Variants in WDR64 observed in about 807,000 individuals in gnomAD.
WDR64 encodes the protein WD repeat domain 64.
Under a neutral mutation model 139.3 loss-of-function variants are expected in WDR64, and 112 were observed. The ratio of observed to expected loss-of-function variants is 0.80; its 90% CI spans 0.69 to 0.94. WDR64 has a LOEUF of 0.94. Ranked by LOEUF, WDR64 falls within the 40% of genes least tolerant of loss-of-function variation. The pLI is 0.00. For synonymous variants in WDR64, 444 were observed against 437.7 expected (o/e 1.01, Z -0.18); for missense variants, 1,206 against 1,293.1 (o/e 0.93, Z 1.03).
chr1:241,787,924 A>T lies in WDR64; in HGVS notation c.2781A>T (p.Arg927Ser). The change falls in exon 24 of 28, where the codon AGA becomes AGT. Residue 927 changes from arginine to serine, a missense_variant. Coordinates refer to ENST00000437684, the MANE Select transcript of WDR64 (RefSeq NM_001367482.1). ...QRRLFELSQT[R>S]DFILPCDVTE... ...GGCTCTTTGAATTATCACAGACAAG[A>T]GATTTCATTTTGCCTTGTGATGTTA... 6.2e-7 allele frequency: 1 copy of T among 1,613,190 alleles called. No individual in the cohort carries two copies. Among genetic ancestry groups the T allele is most frequent in the Non-Finnish European group, 8.5e-7 (1 of 1,179,656 alleles).
intron 16 of WDR64, among the ~76,000 whole-genome samples, chr1:241,768,189 T>C (rs866429691): frequency 6.6e-6 from 1 of 152,304 alleles, no homozygotes; most frequent in Middle Eastern, 3.4e-3. Context: ...CAACATCCAA[T>C]CAGAGGAAAA....
At chr1:241,773,003 G>C in intron 20 of WDR64, 72 bp downstream of exon 20, 1 of 1,455,458 alleles carries the variant, frequency 6.9e-7, no homozygotes, top group Non-Finnish European at 9.2e-7. Context: ...ATGAATCTTA[G>C]TGTTCTTCCA....
At chr1:241,668,837 T>C (rs1477941100) in intron 2 of WDR64, among the ~76,000 whole-genome samples, 2 of 151,458 alleles carry the variant, frequency 1.3e-5, no homozygotes, top group African/African-American at 4.9e-5. Flanking sequence ...GAGGCGGAGG[T>C]TGCAGTGAGT....
At chr1:241,706,762 T>A (rs1667968356) in intron 8 of WDR64, among the ~76,000 whole-genome samples, 1 of 152,218 alleles carries the variant, frequency 6.6e-6, no homozygotes, top group African/African-American at 2.4e-5. Flanking sequence ...TGCATTATTT[T>A]TTATTAAATT....
At chr1:241,701,991 A>T (rs920503994) in intron 8 of WDR64, among the ~76,000 whole-genome samples, 1 of 152,224 alleles carries the variant, frequency 6.6e-6, no homozygotes, top group African/African-American at 2.4e-5. Flanking sequence ...CCTCTCAAAA[A>T]AATTTCCATT....
chr1:241,732,797 G>A (rs1340577505), intron 10 of WDR64, among the ~76,000 whole-genome samples: 1 of 151,544 alleles, frequency 6.6e-6, no homozygotes, highest in Non-Finnish European at 1.5e-5. Flanking sequence ...TCCAGCCTGG[G>A]CAACAAGAGT....
chr1:241,713,305 T>C (rs1186217555), intron 9 of WDR64, among the ~76,000 whole-genome samples: 1 of 121,542 alleles, frequency 8.2e-6, no homozygotes, highest in African/African-American at 3.3e-5. Flanking sequence ...AGCAAGACCC[T>C]GTCTCAAAAA....
chr1:241,691,598 C>T (rs1667291516), intron 8 of WDR64, among the ~76,000 whole-genome samples: 1 of 120,698 alleles, frequency 8.3e-6, no homozygotes, highest in South Asian at 2.8e-4. Context: ...CAGTTAACAT[C>T]ATCTATAGTA....
intron 7 of WDR64, among the ~76,000 whole-genome samples, chr1:241,687,039 T>G (rs1340385372): frequency 6.6e-6 from 1 of 152,188 alleles, no homozygotes; most frequent in Non-Finnish European, 1.5e-5. Context: ...GTGCAATGGC[T>G]CATGCCTGTA....
Position 241,741,539 on chromosome 1 carries a change from C to G in WDR64, c.1345C>G (p.Pro449Ala), listed in dbSNP as rs754732988. 6.2e-7 allele frequency: 1 copy of G among 1,611,214 alleles called. No homozygotes were observed. Among genetic ancestry groups the G allele is most frequent in the South Asian group, 1.1e-5 (1 of 90,272 alleles). Residue 449 changes from proline (P) to alanine (A), a missense_variant, in exon 12 of 28, where the codon CCT (proline) becomes GCT (alanine). Pro to Ala is a conservative substitution (Grantham distance 27). Coordinates refer to ENST00000437684, the MANE Select transcript of WDR64 (RefSeq NM_001367482.1). ...AGGATCTAGTGTTATGGACATGTAT[C>G]CTTTGACTAGGATGATACAAGATAC... is the stretch of plus-strand genomic sequence containing the variant. The part of the protein sequence containing the change: ...ITGSSVMDMY[P>A]LTRMIQDTKQ...
chr1:241,672,830 G>A (rs1666284907), intron 3 of WDR64, among the ~76,000 whole-genome samples: 1 of 152,084 alleles, frequency 6.6e-6, no homozygotes, highest in Non-Finnish European at 1.5e-5. Context: ...CAGGTAGTGG[G>A]GAGAGTGGTG....
chr1:241,781,430 C>T (rs1368124812), intron 22 of WDR64, among the ~76,000 whole-genome samples: 1 of 152,110 alleles, frequency 6.6e-6, no homozygotes, highest in Non-Finnish European at 1.5e-5. Flanking sequence ...CTATAAAATG[C>T]CTCATTATTA....
At chr1:241,732,269 CAA>C (rs1224222738) in intron 10 of WDR64, among the ~76,000 whole-genome samples, 1 of 152,122 alleles carries the variant, frequency 6.6e-6, no homozygotes, top group Non-Finnish European at 1.5e-5. Flanking sequence ...GAATAATGCT[CAA>C]ACTTCTATTC....
intron 21 of WDR64, among the ~76,000 whole-genome samples, chr1:241,779,328 AG>A (rs1346662014): frequency 2.0e-5 from 3 of 152,172 alleles, no homozygotes; most frequent in Non-Finnish European, 4.4e-5. Flanking sequence ...ATAGTTTAAA[AG>A]TTGAGGTGTA....
chr1:241,699,777 A>G (rs974735432), intron 8 of WDR64, among the ~76,000 whole-genome samples: 12 of 152,206 alleles, frequency 7.9e-5, no homozygotes, highest in African/African-American at 2.9e-4. Flanking sequence ...AAATGGTTCA[A>G]TATAATTGGA....
chr1:241,767,351 T>C (rs75025515), intron 16 of WDR64, among the ~76,000 whole-genome samples: 144 of 151,718 alleles, frequency 9.5e-4, no homozygotes, highest in African/African-American at 3.3e-3. Flanking sequence ...TTTTTTTTTT[T>C]GCATTTGTTG....
chr1:241,687,498 A>G lies in WDR64; in HGVS notation c.877A>G (p.Ile293Val), dbSNP rs1365214000. 2.5e-6 allele frequency: 4 copies of G among 1,613,826 alleles called. No homozygotes were observed. The highest frequency in any genetic ancestry group is 3.4e-6 in the Non-Finnish European group (4 of 1,179,934). Residue 293 changes from isoleucine to valine, a missense_variant, in exon 8 of 28, where the codon ATT becomes GTT. Coordinates refer to ENST00000437684, the MANE Select transcript of WDR64 (RefSeq NM_001367482.1). ...GCTACATAATGACTGGGTTATGAAA[A>G]TTAGATATATTTCAGCCCTAAATTG... ...RKLHNDWVMK[I>V]RYISALNCFG...
intron 2 of WDR64, among the ~76,000 whole-genome samples, chr1:241,664,977 G>C (rs552214735): frequency 6.6e-6 from 1 of 152,180 alleles, no homozygotes; most frequent in Admixed American, 6.5e-5. Flanking sequence ...CAGGAGGATT[G>C]CTTGAGCCCA....
chr1:241,652,458 C>T lies in WDR64; in HGVS notation c.-27C>T. 6.5e-7 allele frequency: 1 copy of T among 1,546,230 alleles called. No individual in the cohort carries two copies. Among genetic ancestry groups the T allele is most frequent in the Non-Finnish European group, 8.7e-7 (1 of 1,145,324 alleles). On this transcript the variant is annotated 5_prime_UTR_variant, in exon 1 of 28. Transcript: ENST00000437684. ...GTAAACTTGCAGTATTCTTTCTGTA[C>T]AGAAGTAAAAGATCCCCTATGTCCC...
Sources: gnomAD v4.1 joint callset for allele counts (sites outside exome capture counted in the v4.1 genomes callset) on GRCh38, gnomAD v4.1.1 for gene constraint, MANE v1.5 for transcripts, NCBI Gene and HGNC (gene_info 2026-07-23, HGNC 2026-07-21) for gene names.